DENND2C: variants seen among roughly 807,000 people sequenced by gnomAD.
DENND2C encodes the protein DENN domain-containing protein 2C.
A neutral mutation model predicts 112.4 loss-of-function variants in DENND2C; 72 were observed. That is an observed-to-expected ratio of 0.64 (90% confidence interval 0.53 to 0.78). The LOEUF is 0.78. Among genes scored for constraint, DENND2C ranks in the 30% least tolerant of loss-of-function variants. The probability of loss-of-function intolerance (pLI) is 0.00; values close to 1 mark genes in which losing one functional copy is unlikely to be tolerated. For missense variants in DENND2C, 992 were observed against 1,113.8 expected, an observed-to-expected ratio of 0.89 and a Z score of 1.56; for synonymous variants, 329 against 381.6, an observed-to-expected ratio of 0.86 and a Z score of 1.61.
chr1:114,590,628 A>T (rs1250431649), intron 18 of DENND2C, among the ~76,000 whole-genome samples: 1 of 150,240 alleles, frequency 6.7e-6, no homozygotes, highest in Non-Finnish European at 1.5e-5. Flanking sequence ...AATACAAAAA[A>T]TTAGCCGGGC....
At chr1:114,616,163 G>A (rs1354244931) in intron 8 of DENND2C, among the ~76,000 whole-genome samples, 1 of 152,150 alleles carries the variant, frequency 6.6e-6, no homozygotes, top group Middle Eastern at 3.4e-3. Flanking sequence ...GCCCAGGCAG[G>A]TGGATCATTT....
In DENND2C at chr1:114,594,518, C is replaced by T. The variant is rs767584409; in HGVS notation, c.2386G>A (p.Glu796Lys). Reference protein sequence around the residue: ...KLQAALMQILEERNEILTQEQ... With the variant: ...KLQAALMQILKERNEILTQEQ... ...TGAGTCAAGATTTCATTTCGTTCTT[C>T]CAAAATCTGCATCAGGGCAGCTTGA... Residue 796 changes from glutamate to lysine, a missense_variant, in exon 18 of 21, where the codon GAA becomes AAA. Glu to Lys is a moderately conservative substitution (Grantham distance 56, BLOSUM62 1). Transcript: ENST00000393274. The T allele has an allele frequency of 1.2e-6, 2 of 1,613,942 alleles. No homozygotes were observed. The highest frequency in any genetic ancestry group is 1.7e-6 in the Non-Finnish European group (2 of 1,179,994).
intron 3 of DENND2C, among the ~76,000 whole-genome samples, chr1:114,626,629 G>A (rs1656350098): frequency 6.7e-6 from 1 of 149,028 alleles, no homozygotes; most frequent in African/African-American, 2.5e-5. Flanking sequence ...TTCCCCCTCA[G>A]CCTCCTGAGT....
At position 114,589,166 on chromosome 1, in the gene DENND2C, C is replaced by T. The variant is rs1024497422; in HGVS notation, c.2432-1214G>A. The stretch of plus-strand genomic sequence containing the variant: ...TTGCCTTCCAGGTCCCAGGCTCAAA[C>T]TTCAGATTCGACTTACACTCCCTCT... On this transcript the variant is annotated intron_variant, in intron 18 of 20. Transcript: ENST00000393274. 5.9e-5 allele frequency among the ~76,000 whole-genome samples: 9 copies of T among 152,166 alleles called. No individual in the cohort carries two copies. In the East Asian group the frequency reaches 1.7e-3, roughly 29 times the overall value.
rs1268553118 is a variant in DENND2C, at chr1:114,600,832, C to T, written c.1944G>A (p.Gly648=). Residue 648 remains glycine, a synonymous_variant, in exon 14 of 21, where the codon GGG becomes GGA. Coordinates refer to ENST00000393274, the MANE Select transcript of DENND2C (RefSeq NM_001256404.2). The part of the protein sequence containing the change: ...RTITVKSYLP[G]AGDESIELCR... The stretch of plus-strand genomic sequence containing the variant: ...TGAGCTAACTTACCTCATCTCCAGC[C>T]CCAGGGAGGTAACTCTTAACTGTGA... The T allele has an allele frequency of 1.2e-6, 2 of 1,612,828 alleles. No individual in the cohort carries two copies. Among genetic ancestry groups the T allele is most frequent in the Non-Finnish European group, 1.7e-6 (2 of 1,179,452 alleles).
intron 18 of DENND2C, among the ~76,000 whole-genome samples, chr1:114,591,369 T>C (rs1461595702): frequency 1.3e-5 from 2 of 152,224 alleles, no homozygotes; most frequent in African/African-American, 2.4e-5. Flanking sequence ...TGAGGTTGCA[T>C]GTCTCTTCAA....
At chr1:114,610,041 A>G (rs896986619) in intron 9 of DENND2C, among the ~76,000 whole-genome samples, 1 of 152,204 alleles carries the variant, frequency 6.6e-6, no homozygotes, top group Non-Finnish European at 1.5e-5. Flanking sequence ...AGGCCAGTGG[A>G]GGGAGCACAA....
rs1489878489 is a variant in DENND2C, at chr1:114,590,114, G to A, written c.2432-2162C>T. Among the ~76,000 whole-genome samples the A allele has an allele frequency of 2.0e-5, 3 of 152,268 alleles. No homozygotes were observed. In the East Asian group the frequency reaches 5.8e-4, roughly 29 times the overall value. The stretch of plus-strand genomic sequence containing the variant: ...TTTTAAGATTCATTTTTAGCTGGGT[G>A]CAGCTAAAATGGCTCATGCCTGTAA... On this transcript the variant is annotated intron_variant, in intron 18 of 20. Transcript: ENST00000393274.
At chr1:114,659,765 C>A (rs995697544) in intron 1 of DENND2C, among the ~76,000 whole-genome samples, 1 of 129,874 alleles carries the variant, frequency 7.7e-6, no homozygotes, top group Admixed American at 8.9e-5. Context: ...TCCCTCCCTC[C>A]GTCTTCCTTC....
intron 3 of DENND2C, among the ~76,000 whole-genome samples, chr1:114,638,579 T>G (rs1238049966): frequency 6.6e-6 from 1 of 151,680 alleles, no homozygotes; most frequent in Non-Finnish European, 1.5e-5. Flanking sequence ...GGCAACATAG[T>G]AAAACTCCGT....
rs528351670 is a variant in DENND2C, at chr1:114,592,733, AAAATAAT to A, written c.2431+1733_2431+1739del. Among the ~76,000 whole-genome samples the A allele has an allele frequency of 3.1e-3, 474 of 152,276 alleles. 1 individual carries two copies. Among genetic ancestry groups the A allele is most frequent in the Middle Eastern group, 6.8e-3 (2 of 294 alleles). ...AGACCCTGTCTCAAAAATAAAAATAAAAATAATAAATAATAAATTTTACAATCAATTG... is the reference window on the plus strand; with the variant it reads ...AGACCCTGTCTCAAAAATAAAAATAAAAATAATAAATTTTACAATCAATTG... On this transcript the variant is annotated intron_variant, in intron 18 of 20. Transcript: ENST00000393274.
intron 3 of DENND2C, among the ~76,000 whole-genome samples, chr1:114,637,830 T>C (rs1474654847): frequency 6.6e-6 from 1 of 152,146 alleles, no homozygotes; most frequent in Non-Finnish European, 1.5e-5. Flanking sequence ...TATTCAACTT[T>C]GTTACTATAA....
chr1:114,626,064 T>A lies in DENND2C; in HGVS notation c.-80A>T. On this transcript the variant is annotated 5_prime_UTR_variant, in exon 4 of 21. Coordinates refer to ENST00000393274, the MANE Select transcript of DENND2C (RefSeq NM_001256404.2). The stretch of plus-strand genomic sequence containing the variant: ...TAAATGTGAAATATTGTATTCTTTA[T>A]CCTGTCAGAATCCAAATGATTCCAG... 7.4e-7 allele frequency: 1 copy of A among 1,350,356 alleles called. No individual in the cohort carries two copies. Among genetic ancestry groups the A allele is most frequent in the South Asian group, 1.5e-5 (1 of 68,676 alleles). 83.6% of individuals were successfully genotyped at this position (1,350,356 alleles called of 1,614,324 possible).
In DENND2C at chr1:114,587,721, A is replaced by G; in HGVS notation, c.2663T>C (p.Val888Ala). The stretch of plus-strand genomic sequence containing the variant: ...AACTTTATAATGAAACTGACCTTTA[A>G]CTCCACTTTTCCGAAGCTCTCGGTC... ...IQDRELRKSG[V>A]KGLFEIRAIQ... Residue 888 changes from valine (V) to alanine (A), a missense_variant, in exon 19 of 21, where the codon GTT (valine) becomes GCT (alanine). By Grantham distance (64) the Val-to-Ala change is moderately conservative. Around this residue, in one of 3 missense-constraint regions of DENND2C, gnomAD observed 516 missense variants for 623.6 expected, o/e 0.83. Transcript: ENST00000393274. 6.2e-7 allele frequency: 1 copy of G among 1,606,612 alleles called. No homozygotes were observed. Among genetic ancestry groups the G allele is most frequent in the Non-Finnish European group, 8.5e-7 (1 of 1,175,462 alleles).
Position 114,582,896 on chromosome 1 carries a change from T to C in DENND2C, c.*2704A>G, listed in dbSNP as rs1355059765. ...TTCATTAAAAGATCTGTAAACAACA[T>C]TTTATACAAATCTTGATTCTTTTAC... On this transcript the variant is annotated 3_prime_UTR_variant, in exon 21 of 21. Coordinates refer to ENST00000393274, the MANE Select transcript of DENND2C (RefSeq NM_001256404.2). 1.3e-5 allele frequency: 2 copies of C among 152,216 alleles called. No individual in the cohort carries two copies. The highest frequency in any genetic ancestry group is 4.1e-4 in the South Asian group (2 of 4,836). 9.4% of individuals were successfully genotyped at this position (152,216 alleles called of 1,614,324 possible).
chr1:114,614,908 G>A (rs1385012892), intron 8 of DENND2C, among the ~76,000 whole-genome samples: 2 of 152,056 alleles, frequency 1.3e-5, no homozygotes, highest in Non-Finnish European at 2.9e-5. Flanking sequence ...CAGCTACTCG[G>A]GAGGCTGAGG....
intron 15 of DENND2C, 130 bp downstream of exon 15, chr1:114,600,074 A>C: frequency 1.0e-6 from 1 of 992,726 alleles, no homozygotes; most frequent in Non-Finnish European, 1.5e-6. Context: ...ATATGTAATG[A>C]ACCTGCACGT....
At chr1:114,595,784 G>A (rs376207918) in intron 17 of DENND2C, 48 bp downstream of exon 17, 12 of 1,524,582 alleles carry the variant, frequency 7.9e-6, no homozygotes, top group Non-Finnish European at 1.1e-5. Flanking sequence ...ATTATCTACA[G>A]TAGACATTTA....
At chr1:114,592,632 A>G (rs1012358744) in intron 18 of DENND2C, among the ~76,000 whole-genome samples, 10 of 152,138 alleles carry the variant, frequency 6.6e-5, no homozygotes, top group Non-Finnish European at 1.3e-4. Flanking sequence ...AGGTGGGAGG[A>G]TTGCTTGTGC....
Sources: gnomAD v4.1 joint callset for allele counts (sites outside exome capture counted in the v4.1 genomes callset) on GRCh38, gnomAD v4.1.1 for gene constraint, gnomAD v4.1.1 regional missense constraint, MANE v1.5 for transcripts, NCBI Gene and HGNC (gene_info 2026-07-23, HGNC 2026-07-21) for gene names.